The following ARHGAP39 variants were observed in gnomAD, a reference collection of about 807,000 sequenced individuals.
ARHGAP39 encodes rho GTPase-activating protein 39.
A neutral mutation model predicts 106.9 loss-of-function variants in ARHGAP39; 44 were observed. That is an observed-to-expected ratio of 0.41 (90% CI 0.32 to 0.53). The LOEUF is 0.53. Among genes scored for constraint, ARHGAP39 ranks in the 20% least tolerant of loss-of-function variants. The pLI, the probability that ARHGAP39 is intolerant of heterozygous loss-of-function variation, is 0.21. For missense variants in ARHGAP39, 1,496 were observed against 1,577.3 expected (o/e 0.95, Z 0.87); for synonymous variants, 768 against 693.2 (o/e 1.11, Z -1.69).
chr8:144,629,874 C>A (rs7013755), intron 1 of ARHGAP39, among the ~76,000 whole-genome samples: 10 of 152,118 alleles, frequency 6.6e-5, no homozygotes, highest in African/African-American at 2.4e-4. Flanking sequence ...TTGCTGGGGG[C>A]ACATCCTGAG....
intron 7 of ARHGAP39, among the ~76,000 whole-genome samples, chr8:144,537,405 G>A (rs1206038787): frequency 4.6e-5 from 7 of 152,070 alleles, no homozygotes; most frequent in Non-Finnish European, 1.0e-4. Context: ...TGGGGGTCAG[G>A]CCCAAACACT....
At chr8:144,686,529 T>C (rs1822594040), upstream of ARHGAP39, among the ~76,000 whole-genome samples, 1 of 152,202 alleles carries the variant, frequency 6.6e-6, no homozygotes, top group Admixed American at 6.5e-5. Flanking sequence ...CCTTCAGTCC[T>C]GGACATTCCC....
At chr8:144,601,814 T>C (rs1181940976) in intron 2 of ARHGAP39, among the ~76,000 whole-genome samples, 1 of 126,476 alleles carries the variant, frequency 7.9e-6, no homozygotes, top group African/African-American at 3.1e-5. Flanking sequence ...TGTGTGTGTG[T>C]GGAGGCGTGT....
intron 1 of ARHGAP39, among the ~76,000 whole-genome samples, chr8:144,674,246 GAAC>G (rs1554614316): frequency 6.6e-6 from 1 of 152,204 alleles, no homozygotes; most frequent in Admixed American, 6.5e-5. Context: ...TGAGGTACGT[GAAC>G]AACTGGAGAG....
At chr8:144,672,912 C>G (rs1822134589) in intron 1 of ARHGAP39, among the ~76,000 whole-genome samples, 1 of 152,148 alleles carries the variant, frequency 6.6e-6, no homozygotes. Flanking sequence ...ATCGCTACCA[C>G]CTGAAATTTG....
At chr8:144,621,205 C>G (rs1358225708) in intron 1 of ARHGAP39, among the ~76,000 whole-genome samples, 4 of 152,288 alleles carry the variant, frequency 2.6e-5, no homozygotes, top group Non-Finnish European at 4.4e-5. Context: ...CCAGTGCCCT[C>G]TCAGAAGTTG....
chr8:144,564,475 G>T (rs1332737251), intron 3 of ARHGAP39, among the ~76,000 whole-genome samples: 1 of 152,138 alleles, frequency 6.6e-6, no homozygotes, highest in Non-Finnish European at 1.5e-5. Context: ...GGGAAAAAAA[G>T]GGAACTATTA....
upstream of ARHGAP39, among the ~76,000 whole-genome samples, chr8:144,690,071 C>T (rs1822712350): frequency 6.6e-6 from 1 of 151,142 alleles, no homozygotes; most frequent in South Asian, 2.1e-4. Flanking sequence ...TGAGAAACCA[C>T]CGAACTCTTT....
chr8:144,531,244 G>T lies in ARHGAP39; in HGVS notation c.2981-373C>A, dbSNP rs796607460. Among the ~76,000 whole-genome samples the T allele has an allele frequency of 5.9e-5, 5 of 84,450 alleles. 1 individual carries two copies. The highest frequency in any genetic ancestry group is 1.8e-4 in the African/African-American group (4 of 22,122). The allele number at this position is 84,450 out of a possible 152,430, so 55.4% of individuals were successfully genotyped here. A position where few individuals can be genotyped will look rare whatever the true frequency, so the allele number is the denominator to read the frequency against. ...ATAGCAGGCACGGCAGAAGGGCACAGGGCAGCGAGCAGCAGGTGGGGAGTG... is the reference window on the plus strand; with the variant it reads ...ATAGCAGGCACGGCAGAAGGGCACATGGCAGCGAGCAGCAGGTGGGGAGTG... On this transcript the variant is annotated intron_variant, in intron 10 of 11. Transcript: ENST00000377307.
At chr8:144,613,918 A>G (rs1349032573) in intron 1 of ARHGAP39, among the ~76,000 whole-genome samples, 1 of 152,222 alleles carries the variant, frequency 6.6e-6, no homozygotes, top group Non-Finnish European at 1.5e-5. Context: ...AAGTTGTCCT[A>G]CAGCTCAATG....
chr8:144,605,408 G>C (rs990638607), intron 2 of ARHGAP39, 127 bp downstream of exon 2: 5 of 1,020,916 alleles, frequency 4.9e-6, no homozygotes, highest in South Asian at 1.5e-5. Context: ...CCAGGCCTTG[G>C]GAACAGCCAG....
At chr8:144,673,646 C>T (rs116194490) in intron 1 of ARHGAP39, among the ~76,000 whole-genome samples, 3,739 of 152,306 alleles carry the variant, frequency 0.025, 145 homozygotes, top group African/African-American at 0.086. Flanking sequence ...CTTGGGGTGT[C>T]GCTTCACCAG....
At chr8:144,668,068 C>A (rs1457948672) in intron 1 of ARHGAP39, among the ~76,000 whole-genome samples, 1 of 151,006 alleles carries the variant, frequency 6.6e-6, no homozygotes, top group Non-Finnish European at 1.5e-5. Flanking sequence ...CTAGTGAATT[C>A]TTGGTCCCCT....
intron 2 of ARHGAP39, among the ~76,000 whole-genome samples, chr8:144,595,652 G>C (rs1456873574): frequency 6.6e-6 from 1 of 152,234 alleles, no homozygotes; most frequent in Non-Finnish European, 1.5e-5. Context: ...GAGGCAGGCA[G>C]GTATCTGGGA....
At chr8:144,662,071 A>G (rs1190306162) in intron 1 of ARHGAP39, among the ~76,000 whole-genome samples, 1 of 117,164 alleles carries the variant, frequency 8.5e-6, no homozygotes, top group Non-Finnish European at 1.8e-5. Flanking sequence ...ACCACTCCCC[A>G]CTCCCCATTA....
chr8:144,600,333 C>T (rs1395867971), intron 2 of ARHGAP39, among the ~76,000 whole-genome samples: 3 of 146,542 alleles, frequency 2.0e-5, no homozygotes, highest in African/African-American at 5.1e-5. Context: ...CACTTGTGTA[C>T]CTGAGTGTGC....
chr8:144,605,734 C>T (rs1253295504), intron 1 of ARHGAP39, 39 bp from the exon 2 acceptor site: 27 of 924,564 alleles, frequency 2.9e-5, no homozygotes, highest in Admixed American at 1.0e-4. Flanking sequence ...ATATGGAAGA[C>T]GCCTCACCAC....
upstream of ARHGAP39, among the ~76,000 whole-genome samples, chr8:144,689,761 G>A (rs973699712): frequency 1.8e-5 from 1 of 54,212 alleles, no homozygotes; most frequent in Non-Finnish European, 3.7e-5. Context: ...TTTTTTTTTT[G>A]TGACAGAGTT....
At chr8:144,560,422 G>A (rs1005138171) in intron 3 of ARHGAP39, among the ~76,000 whole-genome samples, 5 of 152,158 alleles carry the variant, frequency 3.3e-5, no homozygotes, top group African/African-American at 1.2e-4. Context: ...GCAACAAAAC[G>A]AGACTCCGTC....
Sources: gnomAD v4.1 joint callset for allele counts (sites outside exome capture counted in the v4.1 genomes callset) on GRCh38, gnomAD v4.1.1 for gene constraint, MANE v1.5 for transcripts, NCBI Gene and HGNC (gene_info 2026-07-23, HGNC 2026-07-21) for gene names.